Variants in TRIM14 observed in about 807,000 individuals in gnomAD.
TRIM14 encodes the protein tripartite motif-containing protein 14.
A neutral mutation model predicts 44.5 loss-of-function variants in TRIM14; 28 were observed. That is an observed-to-expected ratio of 0.63 (90% confidence interval 0.47 to 0.86). TRIM14 has a LOEUF of 0.86. TRIM14 is among the 40% of genes least tolerant of loss of function. The pLI is 0.00. For synonymous variants in TRIM14, 299 were observed against 269.2 expected, an observed-to-expected ratio of 1.11 and a Z score of -1.08; for missense variants, 607 against 611.1, an observed-to-expected ratio of 0.99 and a Z score of 0.07.
At chr9:98,092,579 A>G in intron 4 of TRIM14, 1 of 263,144 alleles carries the variant, frequency 3.8e-6, no homozygotes, top group Non-Finnish European at 8.0e-6. Flanking sequence ...GCCCACCTGC[A>G]GGCTGTTTAA....
In TRIM14 at chr9:98,086,750, G is replaced by A. The variant is rs1176164120; in HGVS notation, c.*720C>T. The stretch of plus-strand genomic sequence containing the variant: ...AGAGTCTCTAAGAAGAGTGGTAGGA[G>A]CTAGGTGAGGATAAGTAATTTTGGG... On this transcript the variant is annotated 3_prime_UTR_variant, in exon 6 of 6. Transcript: ENST00000341469. 1 of 152,738 alleles carries A rather than the reference G, an allele frequency of 6.5e-6. No individual in the cohort carries two copies. The highest frequency in any genetic ancestry group is 2.4e-5 in the African/African-American group (1 of 41,448). The allele number at this position is 152,738 out of a possible 1,614,324, so 9.5% of individuals were successfully genotyped here. A position where few individuals can be genotyped will look rare whatever the true frequency, so the allele number is the denominator to read the frequency against.
chr9:98,082,773 T>TTGAG (rs138450028), downstream of TRIM14: 2,919 of 1,443,244 alleles, frequency 2.0e-3, 43 homozygotes, highest in African/African-American at 0.036. Context: ...ATCAGGGACC[T>TTGAG]TGAGTGTAAA....
intron 5 of TRIM14, 56 bp downstream of exon 5, chr9:98,091,853 C>T: frequency 7.9e-7 from 1 of 1,271,678 alleles, no homozygotes; most frequent in Non-Finnish European, 1.0e-6. Flanking sequence ...CCTCCTCCAC[C>T]CAACATCCCA....
the TRIM14 span, among the ~76,000 whole-genome samples, chr9:98,059,131 C>T: frequency 3.9e-5 from 6 of 152,034 alleles, no homozygotes; most frequent in African/African-American, 1.2e-4. Flanking sequence ...TCACACCGTT[C>T]TCCTGTCTCA....
At position 98,094,890 on chromosome 9, in the gene TRIM14, G is replaced by A; in HGVS notation, c.677C>T (p.Pro226Leu). 2 of 1,614,122 alleles carry A rather than the reference G, an allele frequency of 1.2e-6. No individual in the cohort carries two copies. Among genetic ancestry groups the A allele is most frequent in the Non-Finnish European group, 1.7e-6 (2 of 1,179,976 alleles). ...ACTTTCCTTAAGGCGAATGTCCAAT[G>A]GCGTCTGTAATGTACTCTCCACGGC... ...VEAVESTLQT[P>L]LDIRLKESIN... Residue 226 changes from proline to leucine, a missense_variant, in exon 4 of 6, where the codon CCA becomes CTA. By Grantham distance (98) the Pro-to-Leu change is moderately conservative. This residue lies in a region of TRIM14 where 356 missense variants were observed against 323.0 expected (regional missense o/e 1.10). Transcript: ENST00000341469.
At chr9:98,094,097 A>T (rs1000412745) in intron 4 of TRIM14, among the ~76,000 whole-genome samples, 2 of 152,152 alleles carry the variant, frequency 1.3e-5, no homozygotes, top group East Asian at 3.9e-4. Context: ...ATGTTTGTGT[A>T]CGGTCTGTCT....
chr9:98,107,312 T>C (rs1174179389), intron 2 of TRIM14, among the ~76,000 whole-genome samples: 1 of 152,166 alleles, frequency 6.6e-6, no homozygotes, highest in Non-Finnish European at 1.5e-5. Flanking sequence ...AATGAAAACT[T>C]ATGTCCGCAC....
chr9:98,084,095 A>G (rs955102180), downstream of TRIM14, among the ~76,000 whole-genome samples: 3 of 152,206 alleles, frequency 2.0e-5, no homozygotes, highest in African/African-American at 7.2e-5. Flanking sequence ...GGGAGCTGTG[A>G]TGTGGACACG....
intron 1 of TRIM14, among the ~76,000 whole-genome samples, chr9:98,114,357 A>G (rs990126144): frequency 6.6e-6 from 1 of 151,876 alleles, no homozygotes; most frequent in Non-Finnish European, 1.5e-5. Flanking sequence ...TTTTTGAGAC[A>G]GAGTCTCATT....
At chr9:98,036,589 G>T in the TRIM14 span, among the ~76,000 whole-genome samples, 13 of 151,510 alleles carry the variant, frequency 8.6e-5, no homozygotes, top group Non-Finnish European at 1.6e-4. Context: ...ATCACCTGAG[G>T]TTAGGAGTTC....
intron 2 of TRIM14, among the ~76,000 whole-genome samples, chr9:98,104,618 C>G (rs1230932700): frequency 6.6e-6 from 1 of 152,016 alleles, no homozygotes; most frequent in African/African-American, 2.4e-5. Context: ...GGTTTGGGTC[C>G]CACTGGTTCA....
rs578198332 is a variant in TRIM14, at chr9:98,084,605, G to A, written c.*2865C>T. 6.6e-5 allele frequency: 10 copies of A among 152,286 alleles called. No homozygotes were observed. The highest frequency in any genetic ancestry group is 2.4e-4 in the African/African-American group (10 of 41,542). 9.4% of individuals were successfully genotyped at this position (152,286 alleles called of 1,614,324 possible). On this transcript the variant is annotated 3_prime_UTR_variant, in exon 6 of 6. Transcript: ENST00000341469. ...GGGAATACCAGTAGTCTCAGCACTC[G>A]GTCAGTACCGTGCAAGCTCCCTTGG...
the TRIM14 span, among the ~76,000 whole-genome samples, chr9:98,057,256 C>T: frequency 6.6e-6 from 1 of 152,348 alleles, no homozygotes; most frequent in Non-Finnish European, 1.5e-5. Flanking sequence ...CTCCCTCCTG[C>T]CCGCGGGTAG....
chr9:98,064,170 T>C, the TRIM14 span, among the ~76,000 whole-genome samples: 7 of 152,330 alleles, frequency 4.6e-5, no homozygotes, highest in Non-Finnish European at 1.0e-4. Flanking sequence ...GCTACACTTC[T>C]GTAGACCAAA....
chr9:98,048,776 C>G, the TRIM14 span, among the ~76,000 whole-genome samples: 19 of 152,292 alleles, frequency 1.2e-4, no homozygotes, highest in African/African-American at 2.4e-4. Flanking sequence ...ATAATCTCAG[C>G]AATGTGGGAG....
chr9:98,099,272 G>A (rs1826300118), intron 3 of TRIM14, among the ~76,000 whole-genome samples: 2 of 152,064 alleles, frequency 1.3e-5, no homozygotes, highest in African/African-American at 4.8e-5. Flanking sequence ...GACCAACGTG[G>A]AGAAACCCTG....
chr9:98,037,561 G>C, the TRIM14 span, among the ~76,000 whole-genome samples: 1 of 152,166 alleles, frequency 6.6e-6, no homozygotes, highest in Non-Finnish European at 1.5e-5. Context: ...TGCAGGAACA[G>C]GAAACAGGCT....
the TRIM14 span, among the ~76,000 whole-genome samples, chr9:98,042,165 A>C: frequency 2.0e-4 from 30 of 150,882 alleles, no homozygotes; most frequent in Non-Finnish European, 3.8e-4. Flanking sequence ...TGGTGGCAGG[A>C]GCCTCTAGTC....
chr9:98,096,216 G>A (rs1016593828), intron 3 of TRIM14, among the ~76,000 whole-genome samples: 6 of 152,188 alleles, frequency 3.9e-5, no homozygotes, highest in African/African-American at 9.7e-5. Context: ...CTGTACATTG[G>A]GAGGGGGCTG....
Sources: gnomAD v4.1 joint callset for allele counts (sites outside exome capture counted in the v4.1 genomes callset) on GRCh38, gnomAD v4.1.1 for gene constraint, gnomAD v4.1.1 regional missense constraint, MANE v1.5 for transcripts, NCBI Gene and HGNC (gene_info 2026-07-23, HGNC 2026-07-21) for gene names.